Variants in YTHDC2 observed in about 807,000 individuals in gnomAD.
The protein encoded by YTHDC2 is YTH N6-methyladenosine RNA binding protein C2.
Under a neutral mutation model 174.9 loss-of-function variants are expected in YTHDC2, and 45 were observed. That is an observed-to-expected ratio of 0.26 (90% CI 0.20 to 0.33). The LOEUF (loss-of-function observed/expected upper bound fraction) is 0.33, where lower values mean the gene tolerates loss of function less well. Ranked by LOEUF, YTHDC2 falls within the 10% of genes least tolerant of loss-of-function variation. The probability of loss-of-function intolerance (pLI) is 1.00; values close to 1 mark genes in which losing one functional copy is unlikely to be tolerated. For synonymous variants in YTHDC2, 657 were observed against 574.5 expected, an observed-to-expected ratio of 1.14 and a Z score of -2.05; for missense variants, 1,650 against 1,723.7, an observed-to-expected ratio of 0.96 and a Z score of 0.76.
chr5:113,548,399 G>C (rs1433182807), intron 10 of YTHDC2, 142 bp from the exon 11 acceptor site: 2 of 690,436 alleles, frequency 2.9e-6, no homozygotes, highest in Non-Finnish European at 4.7e-6. Flanking sequence ...GGGTTATGTA[G>C]TGCTGTCATT....
rs146419385 is a variant in YTHDC2, at chr5:113,569,603, C to G, written c.3244+1754C>G. Among the ~76,000 whole-genome samples the G allele has an allele frequency of 2.4e-4, 36 of 152,246 alleles. No homozygotes were observed. In the East Asian group the frequency reaches 6.6e-3, roughly 28 times the overall value. ...CAGCACCATTTGTTAAATAAGGAGT[C>G]CTTTCCTCATTGCTTGTTTTTGTCA... On this transcript the variant is annotated intron_variant, in intron 23 of 29. Transcript: ENST00000161863.
intron 12 of YTHDC2, among the ~76,000 whole-genome samples, chr5:113,550,108 A>C (rs1417901572): frequency 1.6e-5 from 1 of 63,522 alleles, no homozygotes; most frequent in Non-Finnish European, 3.2e-5. Flanking sequence ...AAAAACAAAA[A>C]TTGGGGGAGA....
chr5:113,575,794 A>G (rs1383669459), intron 23 of YTHDC2, among the ~76,000 whole-genome samples: 2 of 152,180 alleles, frequency 1.3e-5, no homozygotes, highest in African/African-American at 4.8e-5. Context: ...TACAGGAGTA[A>G]TTACAAGAAT....
chr5:113,556,717 G>GA (rs375291397), intron 17 of YTHDC2, among the ~76,000 whole-genome samples: 135 of 152,308 alleles, frequency 8.9e-4, no homozygotes, highest in African/African-American at 3.0e-3. Context: ...AGATTGGTGT[G>GA]ACTTCTTCAG....
intron 2 of YTHDC2, among the ~76,000 whole-genome samples, chr5:113,523,322 G>T (rs923031904): frequency 6.6e-6 from 1 of 152,072 alleles, no homozygotes; most frequent in African/African-American, 2.4e-5. Flanking sequence ...TCATGTAACT[G>T]CTTGAAAGTT....
intron 10 of YTHDC2, among the ~76,000 whole-genome samples, chr5:113,544,460 A>C (rs1198811090): frequency 6.6e-6 from 1 of 152,118 alleles, no homozygotes; most frequent in East Asian, 1.9e-4. Flanking sequence ...AAATAATGAT[A>C]TTACTTTTAA....
At chr5:113,529,079 T>C (rs1307985768) in intron 4 of YTHDC2, among the ~76,000 whole-genome samples, 1 of 152,214 alleles carries the variant, frequency 6.6e-6, no homozygotes, top group Non-Finnish European at 1.5e-5. Flanking sequence ...CCTATAGATA[T>C]GCCTCATTGT....
At chr5:113,590,963 A>T in intron 26 of YTHDC2, 78 bp from the exon 27 acceptor site, 2 of 1,216,244 alleles carry the variant, frequency 1.6e-6, no homozygotes, top group Non-Finnish European at 2.3e-6. Flanking sequence ...TTATATGTTT[A>T]TGAAGATGTT....
intron 4 of YTHDC2, among the ~76,000 whole-genome samples, chr5:113,529,473 T>C (rs1580495947): frequency 6.6e-6 from 1 of 152,172 alleles, no homozygotes; most frequent in East Asian, 1.9e-4. Flanking sequence ...GTTCCATCAC[T>C]CTAAAAAAGA....
At chr5:113,584,009 C>A in intron 25 of YTHDC2, 1 of 200,094 alleles carries the variant, frequency 5.0e-6, no homozygotes, top group Non-Finnish European at 1.0e-5. Context: ...ATATAAAAAT[C>A]TTGGAGTTTA....
At chr5:113,571,860 CTCTTT>C (rs1222426227) in intron 23 of YTHDC2, among the ~76,000 whole-genome samples, 1 of 152,050 alleles carries the variant, frequency 6.6e-6, no homozygotes, top group Non-Finnish European at 1.5e-5. Flanking sequence ...TGATTCTTCT[CTCTTT>C]TCTTCTTTAT....
rs892635461 is a variant in YTHDC2, at chr5:113,513,769, C to G, written c.-127C>G. On this transcript the variant is annotated 5_prime_UTR_variant, in exon 1 of 30. Transcript: ENST00000161863. Reference sequence around the variant, plus strand: ...GCGGTGACTGAGGCCTTTCTGGTGACCTCAGCCCAACACAGGCCGTCTCCG... The same window carrying G: ...GCGGTGACTGAGGCCTTTCTGGTGAGCTCAGCCCAACACAGGCCGTCTCCG... The G allele has an allele frequency of 9.4e-7, 1 of 1,059,820 alleles. No homozygotes were observed. Among genetic ancestry groups the G allele is most frequent in the Non-Finnish European group, 1.3e-6 (1 of 769,002 alleles). 65.7% of individuals were successfully genotyped at this position (1,059,820 alleles called of 1,614,324 possible).
chr5:113,561,715 C>T (rs1190469261), intron 18 of YTHDC2, among the ~76,000 whole-genome samples: 2 of 152,032 alleles, frequency 1.3e-5, no homozygotes, highest in African/African-American at 4.8e-5. Flanking sequence ...GATTCACCCG[C>T]CTCAGCCTCC....
At chr5:113,559,679 C>T (rs1292278984) in intron 17 of YTHDC2, among the ~76,000 whole-genome samples, 1 of 152,184 alleles carries the variant, frequency 6.6e-6, no homozygotes, top group African/African-American at 2.4e-5. Flanking sequence ...GCAGACTTTC[C>T]ACTTGATGGG....
At chr5:113,520,788 C>G (rs569085845) in intron 2 of YTHDC2, among the ~76,000 whole-genome samples, 1 of 152,262 alleles carries the variant, frequency 6.6e-6, no homozygotes, top group South Asian at 2.1e-4. Context: ...CTTTTGAGTT[C>G]AGAGGTACAT....
At chr5:113,551,884 C>G (rs761511298) in intron 12 of YTHDC2, among the ~76,000 whole-genome samples, 6 of 152,110 alleles carry the variant, frequency 3.9e-5, no homozygotes, top group Non-Finnish European at 5.9e-5. Flanking sequence ...CCTAGAAATT[C>G]TGTTGATAAT....
intron 25 of YTHDC2, chr5:113,583,336 AAAC>A (rs1471658351): frequency 6.6e-6 from 1 of 152,218 alleles, no homozygotes; most frequent in African/African-American, 2.4e-5. Flanking sequence ...AGGAAAGAAA[AAAC>A]AAAATAATGT....
At chr5:113,533,565 C>A (rs1774841439) in intron 5 of YTHDC2, among the ~76,000 whole-genome samples, 1 of 151,566 alleles carries the variant, frequency 6.6e-6, no homozygotes, top group African/African-American at 2.4e-5. Context: ...AAAAAAAATT[C>A]CGTTTCCTAG....
intron 19 of YTHDC2, 130 bp downstream of exon 19, chr5:113,563,622 T>A: frequency 4.5e-6 from 5 of 1,112,936 alleles, no homozygotes; most frequent in Non-Finnish European, 6.2e-6. Context: ...CCAGATAAAC[T>A]AATTTTGTAC....
Sources: allele counts gnomAD v4.1 joint callset (sites outside exome capture counted in the v4.1 genomes callset), GRCh38; gene constraint gnomAD v4.1.1; transcripts MANE v1.5; gene names NCBI Gene and HGNC (gene_info 2026-07-23, HGNC 2026-07-21).